Variants in UQCRC1 observed in about 807,000 individuals in gnomAD.
UQCRC1 encodes cytochrome b-c1 complex subunit 1, mitochondrial.
A neutral mutation model predicts 58.0 loss-of-function variants in UQCRC1; 34 were observed. The ratio of observed to expected loss-of-function variants is 0.59; its 90% CI spans 0.45 to 0.78. UQCRC1 has a LOEUF of 0.78. UQCRC1 is among the 30% of genes least tolerant of loss of function. UQCRC1 has a pLI of 0.00. For synonymous variants in UQCRC1, 276 were observed against 248.8 expected (o/e 1.11, Z -1.03); for missense variants, 610 against 646.0 (o/e 0.94, Z 0.60).
intron 4 of UQCRC1, 60 bp from the exon 5 acceptor site, chr3:48,604,491 C>T (rs1270127182): frequency 6.3e-7 from 1 of 1,596,926 alleles, no homozygotes; most frequent in African/African-American, 1.3e-5. Flanking sequence ...AACGACAGCA[C>T]AAAATCCCCA....
intron 2 of UQCRC1, 62 bp from the exon 3 acceptor site, chr3:48,605,918 C>T: frequency 2.6e-6 from 4 of 1,522,772 alleles, no homozygotes; most frequent in Non-Finnish European, 3.6e-6. Context: ...CTACTCACAC[C>T]CCACCTGAGT....
At chr3:48,609,393 T>A in intron 1 of UQCRC1, 91 bp from the exon 2 acceptor site, 8 of 1,526,710 alleles carry the variant, frequency 5.2e-6, no homozygotes, top group Non-Finnish European at 7.0e-6. Flanking sequence ...ACCCCGCCCC[T>A]AGGCAAGCGG....
chr3:48,606,741 CAA>C (rs1356140060), intron 2 of UQCRC1, among the ~76,000 whole-genome samples: 22 of 107,456 alleles, frequency 2.0e-4, no homozygotes, highest in South Asian at 8.7e-4. Flanking sequence ...GACTCCATCT[CAA>C]AAAAAAAAAA....
chr3:48,600,302 G>A (rs746893368), intron 10 of UQCRC1, 151 bp from the exon 11 acceptor site: 1 of 1,073,378 alleles, frequency 9.3e-7, no homozygotes, highest in Non-Finnish European at 1.4e-6. Flanking sequence ...ACCTATTATG[G>A]CAGTGATGGG....
At position 48,601,476 on chromosome 3, in the gene UQCRC1, A is replaced by G; in HGVS notation, c.707-9T>C. 2 of 1,613,074 alleles carry G rather than the reference A, an allele frequency of 1.2e-6. No individual in the cohort carries two copies. Among genetic ancestry groups the G allele is most frequent in the Non-Finnish European group, 8.5e-7 (1 of 1,179,564 alleles). ...TTGCTGGTGCTCCACTCCTGCTGAG[A>G]CAGACAGTGGCATTACTGACCAGCC... On this transcript the variant is annotated splice_polypyrimidine_tract_variant and intron_variant, in intron 6 of 12. Coordinates refer to ENST00000203407, the MANE Select transcript of UQCRC1 (RefSeq NM_003365.3).
rs1020021235 is a variant in UQCRC1 at position 48,609,611 on chromosome 3, A to T, written c.10T>A (p.Ser4Thr). 9 of 1,568,472 alleles carry T rather than the reference A, an allele frequency of 5.7e-6. No individual in the cohort carries two copies. Among genetic ancestry groups the T allele is most frequent in the Non-Finnish European group, 6.9e-6 (8 of 1,161,004 alleles). ...GCGGTAGCGGCCCGACAGACCACGG[A>T]CGCCGCCATCTTCCAGCTGCAGTCG... MAA[S>T]VVCRAATAGA... The change falls in exon 1 of 13, where the codon TCC becomes ACC. Residue 4 changes from serine (S) to threonine (T), a missense_variant. By Grantham distance (58) the Ser-to-Thr change is moderately conservative (BLOSUM62 1). Transcript: ENST00000203407.
At chr3:48,602,722 C>G (rs578099455) in intron 6 of UQCRC1, among the ~76,000 whole-genome samples, 19 of 151,954 alleles carry the variant, frequency 1.3e-4, no homozygotes, top group Admixed American at 2.0e-4. Flanking sequence ...GGGGTTTTGT[C>G]ACGTTGGCTG....
At chr3:48,608,205 C>A (rs956945315) in intron 2 of UQCRC1, among the ~76,000 whole-genome samples, 1 of 152,192 alleles carries the variant, frequency 6.6e-6, no homozygotes, top group African/African-American at 2.4e-5. Context: ...TCTGTATGTA[C>A]GTATTTTTTA....
At position 48,609,224 on chromosome 3, in the gene UQCRC1, C is replaced by T; in HGVS notation, c.148G>A (p.Val50Ile). Residue 50 changes from valine to isoleucine, a missense_variant, in exon 2 of 13, where the codon GTT (valine) becomes ATT (isoleucine). Val to Ile is a conservative substitution (Grantham distance 29). Transcript: ENST00000203407. Reference sequence around the variant, plus strand: ...CGCAGGCCGTTGTCCAGCAGGCTAACCTGCGTCTCCGGCACGAACTGGAGC... The same window carrying T: ...CGCAGGCCGTTGTCCAGCAGGCTAATCTGCGTCTCCGGCACGAACTGGAGC... ...QALQFVPETQ[V>I]SLLDNGLRVA... The T allele has an allele frequency of 6.2e-7, 1 of 1,613,102 alleles. No homozygotes were observed. Among genetic ancestry groups the T allele is most frequent in the Non-Finnish European group, 8.5e-7 (1 of 1,179,846 alleles).
At chr3:48,608,898 G>A (rs1361040120) in intron 2 of UQCRC1, among the ~76,000 whole-genome samples, 1 of 152,146 alleles carries the variant, frequency 6.6e-6, no homozygotes, top group African/African-American at 2.4e-5. Flanking sequence ...CCTTATATGG[G>A]CTCCTTAACA....
intron 12 of UQCRC1, 92 bp downstream of exon 12, chr3:48,599,543 G>A (rs111683261): frequency 2.7e-5 from 38 of 1,398,646 alleles, no homozygotes; most frequent in African/African-American, 2.5e-4. Flanking sequence ...TGCTCTGTAA[G>A]CTGAGCAGCA....
chr3:48,605,912 T>A, intron 2 of UQCRC1, 56 bp from the exon 3 acceptor site: 1 of 1,556,942 alleles, frequency 6.4e-7, no homozygotes, highest in Non-Finnish European at 8.8e-7. Flanking sequence ...AGCCCCCTAC[T>A]CACACCCCAC....
intron 6 of UQCRC1, 44 bp from the exon 7 acceptor site, chr3:48,601,511 G>A (rs2046366325): frequency 6.3e-7 from 1 of 1,586,392 alleles, no homozygotes; most frequent in South Asian, 1.1e-5. Flanking sequence ...CAGGGCCCAA[G>A]GCACAGGGTG....
chr3:48,609,580 G>T lies in UQCRC1; in HGVS notation c.41C>A (p.Ala14Glu). Residue 14 changes from alanine (A) to glutamate (E), a missense_variant, in exon 1 of 13, where the codon GCA becomes GAA. Ala to Glu is a moderately radical substitution (Grantham distance 107). Coordinates refer to ENST00000203407, the MANE Select transcript of UQCRC1 (RefSeq NM_003365.3). ...SVVCRAATAG[A>E]QVLLRARRSP... ...GCGGCGGGCGCGCAATAGCACTTGT[G>T]CCCCGGCGGTAGCGGCCCGACAGAC... 2 of 1,571,330 alleles carry T rather than the reference G, an allele frequency of 1.3e-6. No homozygotes were observed. Among genetic ancestry groups the T allele is most frequent in the African/African-American group, 2.7e-5 (2 of 74,130 alleles).
chr3:48,607,268 C>G (rs2046422854), intron 2 of UQCRC1, among the ~76,000 whole-genome samples: 1 of 152,084 alleles, frequency 6.6e-6, no homozygotes, highest in African/African-American at 2.4e-5. Flanking sequence ...GTCTCAATCT[C>G]CTGACCTTGT....
rs976365461 is a variant in UQCRC1 at position 48,607,003 on chromosome 3, C to G, written c.211-1147G>C. Among the ~76,000 whole-genome samples, 4 of 151,788 alleles carry G rather than the reference C, an allele frequency of 2.6e-5. 1 individual carries two copies. Among genetic ancestry groups the G allele is most frequent in the Admixed American group, 6.6e-5 (1 of 15,234 alleles). On this transcript the variant is annotated intron_variant, in intron 2 of 12. Coordinates refer to ENST00000203407, the MANE Select transcript of UQCRC1 (RefSeq NM_003365.3). The stretch of plus-strand genomic sequence containing the variant: ...CCTCCCGAGTAGCTGGAACTACAGG[C>G]GTGCACCACCACGCCCAGCTAATTT...
intron 5 of UQCRC1, among the ~76,000 whole-genome samples, 160 bp from the exon 6 acceptor site, chr3:48,603,803 C>T (rs973046957): frequency 2.0e-5 from 3 of 152,212 alleles, no homozygotes; most frequent in African/African-American, 7.2e-5. Context: ...TCTCTGCCAC[C>T]CACCCCTCCA....
chr3:48,601,239 G>C, intron 7 of UQCRC1, 113 bp downstream of exon 7: 1 of 1,533,170 alleles, frequency 6.5e-7, no homozygotes, highest in Non-Finnish European at 8.8e-7. Context: ...AGCAGCCACA[G>C]AACCCCTTCC....
chr3:48,600,420 C>T, intron 10 of UQCRC1, 62 bp downstream of exon 10: 1 of 1,595,264 alleles, frequency 6.3e-7, no homozygotes, highest in East Asian at 2.2e-5. Context: ...GAGCAGTGGC[C>T]ACCTTGGTGC....
Sources: gnomAD v4.1 joint callset for allele counts (sites outside exome capture counted in the v4.1 genomes callset) on GRCh38, gnomAD v4.1.1 for gene constraint, MANE v1.5 for transcripts, NCBI Gene and HGNC (gene_info 2026-07-23, HGNC 2026-07-21) for gene names.